C1orf21: variants seen among roughly 807,000 people sequenced by gnomAD.
C1orf21 encodes the protein uncharacterized protein C1orf21.
A neutral mutation model predicts 18.7 loss-of-function variants in C1orf21; 3 were observed. That is an observed-to-expected ratio of 0.16 (90% CI 0.07 to 0.42). The LOEUF (loss-of-function observed/expected upper bound fraction) is 0.42. Among genes scored for constraint, C1orf21 ranks in the 10% least tolerant of loss-of-function variants. The pLI is 0.99. For missense variants in C1orf21, 104 were observed against 143.6 expected, an observed-to-expected ratio of 0.72 and a Z score of 1.41; for synonymous variants, 41 against 46.4, an observed-to-expected ratio of 0.88 and a Z score of 0.47.
intron 3 of C1orf21, among the ~76,000 whole-genome samples, chr1:184,585,475 CTT>C (rs571109859): frequency 1.2e-3 from 178 of 152,100 alleles, no homozygotes; most frequent in African/African-American, 4.1e-3. Flanking sequence ...CTTTATTTAA[CTT>C]TTATTTTCAG....
chr1:184,477,038 A>T (rs1009374648), intron 1 of C1orf21, among the ~76,000 whole-genome samples: 1 of 152,106 alleles, frequency 6.6e-6, no homozygotes, highest in Non-Finnish European at 1.5e-5. Context: ...AGTTTTTGAG[A>T]TTTCAGAACA....
intron 3 of C1orf21, among the ~76,000 whole-genome samples, chr1:184,583,169 T>G (rs1293409490): frequency 6.6e-6 from 1 of 152,162 alleles, no homozygotes; most frequent in Non-Finnish European, 1.5e-5. Context: ...CCTCTTGGTA[T>G]TTTCACTGTC....
rs1459481355 is a variant in C1orf21 at position 184,560,566 on chromosome 1, TA to T, written c.190-30169del. 2.0e-5 allele frequency among the ~76,000 whole-genome samples: 3 copies of T among 152,304 alleles called. No homozygotes were observed. The East Asian group carries it at 5.8e-4, about 29-fold the overall frequency. ...ATATCCTCCCCCCACCCCTTTCTTG[TA>T]AAACCTAATTAGCTGAAAGAATCAT... On this transcript the variant is annotated intron_variant, in intron 3 of 5. Coordinates refer to ENST00000235307, the MANE Select transcript of C1orf21 (RefSeq NM_030806.4).
intron 1 of C1orf21, among the ~76,000 whole-genome samples, chr1:184,460,686 T>C (rs564226103): frequency 7.3e-6 from 1 of 136,920 alleles, no homozygotes; most frequent in African/African-American, 2.9e-5. Context: ...CTTCTTCTTC[T>C]TTCTTCTTTC....
chr1:184,609,305 A>C (rs958084457), intron 5 of C1orf21, among the ~76,000 whole-genome samples: 1 of 147,212 alleles, frequency 6.8e-6, no homozygotes, highest in Non-Finnish European at 1.5e-5. Context: ...ACTGATCCTC[A>C]TCTAACTCTT....
intron 1 of C1orf21, among the ~76,000 whole-genome samples, chr1:184,428,480 A>C (rs1471617992): frequency 1.3e-5 from 2 of 152,180 alleles, no homozygotes; most frequent in East Asian, 3.9e-4. Flanking sequence ...TTCAGATGGG[A>C]GAGAGAAAGA....
rs536740349 is a variant in C1orf21 at position 184,566,772 on chromosome 1, G to A, written c.190-23967G>A. 9.6e-6 allele frequency: 4 copies of A among 416,380 alleles called. No individual in the cohort carries two copies. The East Asian group carries it at 1.9e-4, about 20-fold the overall frequency. 25.8% of individuals were successfully genotyped at this position (416,380 alleles called of 1,614,324 possible). A position where few individuals can be genotyped will look rare whatever the true frequency, so the allele number is the denominator to read the frequency against. On this transcript the variant is annotated intron_variant, in intron 3 of 5. Coordinates refer to ENST00000235307, the MANE Select transcript of C1orf21 (RefSeq NM_030806.4). Reference sequence around the variant, plus strand: ...CTGGCAGGAAAGGCTGGCTGGTGTTGTGATGCTGCTCTGGAGGCTGAGCTA... The same window carrying A: ...CTGGCAGGAAAGGCTGGCTGGTGTTATGATGCTGCTCTGGAGGCTGAGCTA...
intron 1 of C1orf21, among the ~76,000 whole-genome samples, chr1:184,424,025 T>C (rs1482321526): frequency 6.6e-6 from 1 of 152,216 alleles, no homozygotes; most frequent in African/African-American, 2.4e-5. Flanking sequence ...GTGTCCATTA[T>C]TGAATAATTA....
chr1:184,568,219 A>G (rs1450931973), intron 3 of C1orf21, among the ~76,000 whole-genome samples: 1 of 152,254 alleles, frequency 6.6e-6, no homozygotes, highest in Non-Finnish European at 1.5e-5. Context: ...GTGGTAAAAT[A>G]TACATAATAT....
At chr1:184,408,738 G>T (rs941175760) in intron 1 of C1orf21, among the ~76,000 whole-genome samples, 4 of 152,208 alleles carry the variant, frequency 2.6e-5, no homozygotes, top group African/African-American at 9.6e-5. Context: ...TAACTAGATA[G>T]AAAGTGAAGG....
intron 3 of C1orf21, among the ~76,000 whole-genome samples, chr1:184,585,182 A>C (rs183470514): frequency 6.6e-6 from 1 of 152,274 alleles, no homozygotes; most frequent in East Asian, 1.9e-4. Flanking sequence ...CTATGGTCAA[A>C]GTGTGGTCTG....
chr1:184,573,626 G>A lies in C1orf21; in HGVS notation c.190-17113G>A, dbSNP rs541051270. 1.6e-4 allele frequency among the ~76,000 whole-genome samples: 24 copies of A among 152,238 alleles called. 1 individual carries two copies. In the South Asian group the frequency reaches 4.4e-3, roughly 28 times the overall value. On this transcript the variant is annotated intron_variant, in intron 3 of 5. Transcript: ENST00000235307. ...GTAAAATTAAATAAGTGCTGGCAGC[G>A]AGCTTCACTTTTTTTTTCTACACAG...
chr1:184,468,121 G>A (rs1288547686), intron 1 of C1orf21, among the ~76,000 whole-genome samples: 2 of 151,966 alleles, frequency 1.3e-5, no homozygotes, highest in Non-Finnish European at 2.9e-5. Flanking sequence ...TACTTTTTTT[G>A]TTTTCAGGAA....
chr1:184,428,341 G>A (rs921511690), intron 1 of C1orf21, among the ~76,000 whole-genome samples: 1 of 152,174 alleles, frequency 6.6e-6, no homozygotes, highest in Non-Finnish European at 1.5e-5. Flanking sequence ...TAAAATCAGG[G>A]CATTACTTCA....
chr1:184,545,263 G>A (rs1658712717), intron 3 of C1orf21, among the ~76,000 whole-genome samples: 5 of 152,150 alleles, frequency 3.3e-5, no homozygotes, highest in Admixed American at 3.3e-4. Context: ...TCATACTGTG[G>A]AATGTGTCGC....
chr1:184,580,985 A>C (rs1314450583), intron 3 of C1orf21, among the ~76,000 whole-genome samples: 1 of 152,190 alleles, frequency 6.6e-6, no homozygotes, highest in Admixed American at 6.5e-5. Context: ...AGTAAGTAGG[A>C]ACATCTAACC....
chr1:184,496,979 A>G (rs1008593367), intron 2 of C1orf21, among the ~76,000 whole-genome samples: 1 of 152,216 alleles, frequency 6.6e-6, no homozygotes, highest in African/African-American at 2.4e-5. Flanking sequence ...ATGGAGGGTG[A>G]GGGTCCATGA....
rs1375053030 is a variant in C1orf21, at chr1:184,627,181, C to T, written c.*7625C>T. ...CTGGAGGCTGCCAGAGCTGGGAGCT[C>T]TGCAGGTATGAGTCAGGGAAGGCTC... is the stretch of plus-strand genomic sequence containing the variant. On this transcript the variant is annotated 3_prime_UTR_variant, in exon 6 of 6. Coordinates refer to ENST00000235307, the MANE Select transcript of C1orf21 (RefSeq NM_030806.4). The T allele has an allele frequency of 6.6e-6, 1 of 152,410 alleles. No individual in the cohort carries two copies. The highest frequency in any genetic ancestry group is 1.5e-5 in the Non-Finnish European group (1 of 68,086). The allele number at this position is 152,410 out of a possible 1,614,324, so 9.4% of individuals were successfully genotyped here.
intron 2 of C1orf21, among the ~76,000 whole-genome samples, chr1:184,496,689 AAGAAGACAGT>A (rs1360224313): frequency 6.6e-6 from 1 of 152,326 alleles, no homozygotes; most frequent in Non-Finnish European, 1.5e-5. Flanking sequence ...CTCCGCTTGA[AAGAAGACAGT>A]AGAGAAGATG....
Sources: gnomAD v4.1 joint callset for allele counts (sites outside exome capture counted in the v4.1 genomes callset) on GRCh38, gnomAD v4.1.1 for gene constraint, MANE v1.5 for transcripts, NCBI Gene and HGNC (gene_info 2026-07-23, HGNC 2026-07-21) for gene names.